Variants in WRN observed in about 807,000 individuals in gnomAD.
The protein encoded by WRN is bifunctional 3'-5' exonuclease/ATP-dependent helicase WRN.
A neutral mutation model predicts 180.7 loss-of-function variants in WRN; 149 were observed. That is an observed-to-expected ratio of 0.82 (90% confidence interval 0.72 to 0.94). WRN has a LOEUF of 0.94. Among genes scored for constraint, WRN ranks in the 40% least tolerant of loss-of-function variants. The pLI, the probability that WRN is intolerant of heterozygous loss-of-function variation, is 0.00. For synonymous variants in WRN, 548 were observed against 568.9 expected (o/e 0.96, Z 0.52); for missense variants, 1,661 against 1,700.1 (o/e 0.98, Z 0.40).
At chr8:31,090,580 A>G (rs984468920) in intron 14 of WRN, 48 bp downstream of exon 14, 8 of 1,540,162 alleles carry the variant, frequency 5.2e-6, no homozygotes, top group Non-Finnish European at 6.3e-6. Flanking sequence ...AATAAAACAT[A>G]AAGAGTTTGA....
chr8:31,046,817 A>G (rs2129944757), intron 1 of WRN, among the ~76,000 whole-genome samples: 1 of 152,358 alleles, frequency 6.6e-6, no homozygotes, highest in African/African-American at 2.4e-5. Context: ...CTGTTCATTC[A>G]TAAAACAGAG....
chr8:31,072,680 G>C (rs757413302), intron 7 of WRN, among the ~76,000 whole-genome samples: 3 of 152,192 alleles, frequency 2.0e-5, no homozygotes, highest in Admixed American at 6.5e-5. Flanking sequence ...AATAACGAAG[G>C]CATGTGTAAA....
chr8:31,150,348 A>G lies in WRN; in HGVS notation c.3580A>G (p.Thr1194Ala), dbSNP rs754007268. The change falls in exon 31 of 35, where the codon ACG becomes GCG. Residue 1194 changes from threonine (T) to alanine (A), a missense_variant. Around this residue, in one of 3 missense-constraint regions of WRN, gnomAD observed 1,141 missense variants for 1,149.4 expected, o/e 0.99. Transcript: ENST00000298139. ...TGTTGTTGTTAAACACAGACCAACTACGGTTGAAAACGTAAAAAGGATTGA... is the reference window on the plus strand; with the variant it reads ...TGTTGTTGTTAAACACAGACCAACTGCGGTTGAAAACGTAAAAAGGATTGA... ...LVDMAKMRPT[T>A]VENVKRIDGV... The G allele has an allele frequency of 3.7e-6, 6 of 1,614,032 alleles. No individual in the cohort carries two copies. The highest frequency in any genetic ancestry group is 5.1e-6 in the Non-Finnish European group (6 of 1,179,912).
chr8:31,141,373 C>A, intron 24 of WRN, 57 bp from the exon 25 acceptor site: 1 of 1,600,702 alleles, frequency 6.2e-7, no homozygotes, highest in Non-Finnish European at 8.5e-7. Flanking sequence ...CTGTGTTTTA[C>A]TTAACCTATA....
intron 7 of WRN, among the ~76,000 whole-genome samples, chr8:31,075,537 A>G (rs889228624): frequency 1.3e-5 from 2 of 151,116 alleles, no homozygotes; most frequent in Non-Finnish European, 1.5e-5. Flanking sequence ...ATTGCGAAAC[A>G]CTGTCTCTAC....
At chr8:31,088,360 A>C (rs1400095893) in intron 12 of WRN, among the ~76,000 whole-genome samples, 1 of 152,166 alleles carries the variant, frequency 6.6e-6, no homozygotes, top group Non-Finnish European at 1.5e-5. Flanking sequence ...GTGCAGTTAG[A>C]ATTTTGACCA....
chr8:31,038,814 C>T (rs540583030), intron 1 of WRN, among the ~76,000 whole-genome samples: 83 of 152,262 alleles, frequency 5.5e-4, no homozygotes, highest in African/African-American at 2.0e-3. Context: ...TGTCCCAGCA[C>T]CACATGTTTA....
chr8:31,102,124 A>G (rs186609874), intron 18 of WRN, among the ~76,000 whole-genome samples: 62 of 152,222 alleles, frequency 4.1e-4, no homozygotes, highest in Non-Finnish European at 7.6e-4. Flanking sequence ...ATACAGTTTA[A>G]TCTCATGTAC....
rs748158243 is a variant in WRN at position 31,081,224 on chromosome 8, A to C, written c.1197A>C (p.Glu399Asp). 1.2e-6 allele frequency: 2 copies of C among 1,613,096 alleles called. No individual in the cohort carries two copies. Among genetic ancestry groups the C allele is most frequent in the Non-Finnish European group, 1.7e-6 (2 of 1,179,272 alleles). Residue 399 changes from glutamate to aspartate, a missense_variant, in exon 9 of 35, where the codon GAA (glutamate) becomes GAC (aspartate). Glu to Asp is a conservative substitution (Grantham distance 45). This residue lies in a region of WRN where 500 missense variants were observed against 504.1 expected (regional missense o/e 0.99). Transcript: ENST00000298139. ...RACLMSLDIT[E>D]HELQILEQQS... ...GTTTGATGTCGTTAGATATTACAGA[A>C]CATGAACTCCAAATTTTGGAACAGC...
At chr8:31,076,704 A>G (rs1475589857) in intron 8 of WRN, among the ~76,000 whole-genome samples, 1 of 152,226 alleles carries the variant, frequency 6.6e-6, no homozygotes, top group Non-Finnish European at 1.5e-5. Flanking sequence ...TATAGTGACC[A>G]AAAGCAATGT....
At chr8:31,139,999 CT>C (rs1563375284) in intron 24 of WRN, among the ~76,000 whole-genome samples, 1 of 74,704 alleles carries the variant, frequency 1.3e-5, no homozygotes, top group African/African-American at 5.3e-5. Flanking sequence ...TTGTATACTT[CT>C]TTGTTTTTTT....
intron 23 of WRN, among the ~76,000 whole-genome samples, chr8:31,129,607 G>GA (rs1242793466): frequency 3.3e-5 from 5 of 151,894 alleles, no homozygotes; most frequent in African/African-American, 9.7e-5. Flanking sequence ...CATATTCAAA[G>GA]AAAAAATCAA....
At chr8:31,065,468 T>C (rs889627297) in intron 5 of WRN, among the ~76,000 whole-genome samples, 1 of 152,196 alleles carries the variant, frequency 6.6e-6, no homozygotes, top group African/African-American at 2.4e-5. Flanking sequence ...CTCCCACTTA[T>C]AAGTGAGAAC....
intron 3 of WRN, among the ~76,000 whole-genome samples, chr8:31,064,058 TTGGGAATTAC>T (rs1428797039): frequency 2.0e-5 from 3 of 152,190 alleles, no homozygotes; most frequent in Non-Finnish European, 2.9e-5. Flanking sequence ...GGATTTTCTT[TTGGGAATTAC>T]CTGTTCATAT....
chr8:31,100,251 A>G (rs1814170915), intron 17 of WRN, among the ~76,000 whole-genome samples: 1 of 152,138 alleles, frequency 6.6e-6, no homozygotes, highest in African/African-American at 2.4e-5. Flanking sequence ...GGCGGAGTAG[A>G]GAGGCTACTA....
chr8:31,139,303 T>C (rs1014109614), intron 24 of WRN, among the ~76,000 whole-genome samples: 2 of 152,220 alleles, frequency 1.3e-5, no homozygotes, highest in African/African-American at 4.8e-5. Context: ...AGGATATATA[T>C]GAAATGTAAA....
At chr8:31,100,647 C>G (rs952783829) in intron 17 of WRN, among the ~76,000 whole-genome samples, 3 of 152,140 alleles carry the variant, frequency 2.0e-5, no homozygotes, top group Non-Finnish European at 4.4e-5. Context: ...TTTTAAAATT[C>G]TTAAGGCTTT....
At chr8:31,052,260 G>T (rs1463497609) in intron 1 of WRN, among the ~76,000 whole-genome samples, 1 of 152,020 alleles carries the variant, frequency 6.6e-6, no homozygotes, top group Non-Finnish European at 1.5e-5. Flanking sequence ...TAGAAAAGTT[G>T]GAATATATAG....
chr8:31,053,857 T>C (rs2129978427), intron 1 of WRN, among the ~76,000 whole-genome samples: 1 of 152,336 alleles, frequency 6.6e-6, no homozygotes, highest in South Asian at 2.1e-4. Flanking sequence ...AGCTTTAGTA[T>C]TATTTTGAAA....
Sources: allele counts gnomAD v4.1 joint callset (sites outside exome capture counted in the v4.1 genomes callset), GRCh38; gene constraint gnomAD v4.1.1; regional missense constraint gnomAD v4.1.1; transcripts MANE v1.5; gene names NCBI Gene and HGNC (gene_info 2026-07-23, HGNC 2026-07-21).